Variants in HNRNPR observed in about 807,000 individuals in gnomAD.
The protein encoded by HNRNPR is heterogeneous nuclear ribonucleoprotein R.
HNRNPR carries 4 observed loss-of-function variants against 70.3 expected under a neutral mutation model. That is an observed-to-expected ratio of 0.06 (90% CI 0.03 to 0.13). The LOEUF (loss-of-function observed/expected upper bound fraction) is 0.13. HNRNPR is among the 10% of genes least tolerant of loss of function. The pLI, the probability that HNRNPR is intolerant of heterozygous loss-of-function variation, is 1.00. For missense variants in HNRNPR, 423 were observed against 788.5 expected, an observed-to-expected ratio of 0.54 and a Z score of 5.55; for synonymous variants, 241 against 267.6, an observed-to-expected ratio of 0.90 and a Z score of 0.97.
intron 7 of HNRNPR, among the ~76,000 whole-genome samples, chr1:23,319,053 T>C (rs1645655452): frequency 6.6e-6 from 1 of 152,182 alleles, no homozygotes; most frequent in African/African-American, 2.4e-5. Flanking sequence ...TTTTGACAAC[T>C]AATCATGGCC....
rs757720264 is a variant in HNRNPR at position 23,305,677 on chromosome 1, G to C, written c.*4777C>G. The C allele has an allele frequency of 6.6e-6, 1 of 152,008 alleles. No individual in the cohort carries two copies. Among genetic ancestry groups the C allele is most frequent in the African/African-American group, 2.4e-5 (1 of 41,428 alleles). The allele number at this position is 152,008 out of a possible 1,614,324, so 9.4% of individuals were successfully genotyped here. Reference sequence around the variant, plus strand: ...TGGAATCCCCTACAAACTATAAGATGAGGGATTTTAATCTTTAGCAATAAT... The same window carrying C: ...TGGAATCCCCTACAAACTATAAGATCAGGGATTTTAATCTTTAGCAATAAT... On this transcript the variant is annotated 3_prime_UTR_variant, in exon 11 of 11. Transcript: ENST00000302271.
At chr1:23,335,153 C>G (rs1011392547) in intron 4 of HNRNPR, among the ~76,000 whole-genome samples, 1 of 152,162 alleles carries the variant, frequency 6.6e-6, no homozygotes, top group South Asian at 2.1e-4. Context: ...CTCCTGACCT[C>G]GTGATCCACC....
chr1:23,310,998 C>T lies in HNRNPR; in HGVS notation c.1358G>A (p.Gly453Glu), dbSNP rs776523472. The T allele has an allele frequency of 1.2e-6, 2 of 1,614,196 alleles. No individual in the cohort carries two copies. The highest frequency in any genetic ancestry group is 1.7e-6 in the Non-Finnish European group (2 of 1,180,032). ...AGGGTAGCCATATCCACCTCTCCCCCCACCACGACCCCGACCTCTAATTGG... is the reference window on the plus strand; with the variant it reads ...AGGGTAGCCATATCCACCTCTCCCCTCACCACGACCCCGACCTCTAATTGG... ...PPPIRGRGRG[G>E]GRGGYGYPPD... The change falls in exon 11 of 11, where the codon GGG becomes GAG. Residue 453 changes from glycine to glutamate, a missense_variant. This residue lies in a region of HNRNPR where 169 missense variants were observed against 195.6 expected (regional missense o/e 0.86). Coordinates refer to ENST00000302271, the MANE Select transcript of HNRNPR (RefSeq NM_005826.5). The surrounding 1 kb of genome is among the most constrained non-coding windows in gnomAD (Gnocchi z 6.0).
intron 5 of HNRNPR, among the ~76,000 whole-genome samples, chr1:23,330,360 C>T (rs946918228): frequency 1.3e-5 from 2 of 152,058 alleles, no homozygotes; most frequent in African/African-American, 2.4e-5. Flanking sequence ...CATGGTGAAA[C>T]CCCGTCTCTC....
rs559589904 is a variant in HNRNPR, at chr1:23,305,336, C to A, written c.*5118G>T. ...AAAATGTTACCTTAACACAACCCTG[C>A]AATCACTACAATTCTTAAAAGTATT... On this transcript the variant is annotated 3_prime_UTR_variant, in exon 11 of 11. Coordinates refer to ENST00000302271, the MANE Select transcript of HNRNPR (RefSeq NM_005826.5). 6.6e-6 allele frequency: 1 copy of A among 152,284 alleles called. No homozygotes were observed. Among genetic ancestry groups the A allele is most frequent in the Non-Finnish European group, 1.5e-5 (1 of 67,996 alleles). 9.4% of individuals were successfully genotyped at this position (152,284 alleles called of 1,614,324 possible). A position where few individuals can be genotyped will look rare whatever the true frequency, so the allele number is the denominator to read the frequency against.
Position 23,331,834 on chromosome 1 carries a change from T to TAAAAAAAAAA in HNRNPR, c.498+1674_498+1683dup, listed in dbSNP as rs59006948. On this transcript the variant is annotated intron_variant, in intron 5 of 10. Transcript: ENST00000302271. ...CTGGGTGACAGTGAGACTGTTTCTTTAAAAAAAAAAAAAAAAAAAAAAAAA... is the reference window on the plus strand; with the variant it reads ...CTGGGTGACAGTGAGACTGTTTCTTTAAAAAAAAAAAAAAAAAAAAAAAAAAAAAAAAAAA... Among the ~76,000 whole-genome samples, 540 of 59,226 alleles carry TAAAAAAAAAA rather than the reference T, an allele frequency of 9.1e-3. 40 individuals carry two copies. Among genetic ancestry groups the TAAAAAAAAAA allele is most frequent in the Non-Finnish European group, 9.8e-3 (285 of 29,004 alleles). 38.9% of individuals were successfully genotyped at this position (59,226 alleles called of 152,430 possible).
chr1:23,338,338 C>A, intron 3 of HNRNPR, 152 bp downstream of exon 3: 1 of 438,194 alleles, frequency 2.3e-6, no homozygotes. Flanking sequence ...TTCTGAAACT[C>A]TGCCACAAGC....
At chr1:23,326,401 T>C (rs962638458) in intron 5 of HNRNPR, among the ~76,000 whole-genome samples, 4 of 152,132 alleles carry the variant, frequency 2.6e-5, no homozygotes, top group Non-Finnish European at 4.4e-5. Flanking sequence ...ACAGCATCTA[T>C]GTTCTCTTTA....
chr1:23,334,807 TTTATG>T (rs1221652400), intron 4 of HNRNPR, among the ~76,000 whole-genome samples: 7 of 152,208 alleles, frequency 4.6e-5, no homozygotes, highest in Non-Finnish European at 8.8e-5. Context: ...CTCTCAGGAA[TTTATG>T]TTATAATTGA....
chr1:23,323,797 T>A, intron 5 of HNRNPR, 65 bp from the exon 6 acceptor site: 1 of 1,355,258 alleles, frequency 7.4e-7, no homozygotes, highest in Non-Finnish European at 1.0e-6. Context: ...TAAAGCCTAC[T>A]GCCTTTTTTT....
intron 4 of HNRNPR, among the ~76,000 whole-genome samples, chr1:23,334,356 C>A (rs928748658): frequency 7.2e-5 from 11 of 151,864 alleles, no homozygotes; most frequent in African/African-American, 2.7e-4. Context: ...CCTGCCTCAG[C>A]CTCCCGAGCA....
chr1:23,306,224 G>A lies in HNRNPR; in HGVS notation c.*4230C>T, dbSNP rs1235661384. On this transcript the variant is annotated 3_prime_UTR_variant, in exon 11 of 11. Coordinates refer to ENST00000302271, the MANE Select transcript of HNRNPR (RefSeq NM_005826.5). ...TTCATACTTGCAGGCCTTTCCTGCT[G>A]ATCTGCTACCAATTTAAAAGTAAGT... The A allele has an allele frequency of 1.3e-5, 2 of 151,994 alleles. No individual in the cohort carries two copies. The highest frequency in any genetic ancestry group is 2.9e-5 in the Non-Finnish European group (2 of 67,996). 9.4% of individuals were successfully genotyped at this position (151,994 alleles called of 1,614,324 possible). A position where few individuals can be genotyped will look rare whatever the true frequency, so the allele number is the denominator to read the frequency against.
intron 2 of HNRNPR, among the ~76,000 whole-genome samples, chr1:23,340,132 C>G (rs75681693): frequency 0.01 from 1,525 of 151,860 alleles, 19 homozygotes; most frequent in Non-Finnish European, 0.014. Flanking sequence ...TAGGCACACA[C>G]AACACAGAGG....
chr1:23,311,194 G>C lies in HNRNPR; in HGVS notation c.1289+7C>G, dbSNP rs1049129725. ...CCAAAGATATATCTACTAAAATGTA[G>C]ACTCACGCAGTGCTTCTGGAGGCCT... is the stretch of plus-strand genomic sequence containing the variant. On this transcript the variant is annotated splice_region_variant and intron_variant, in intron 10 of 10. Coordinates refer to ENST00000302271, the MANE Select transcript of HNRNPR (RefSeq NM_005826.5). The C allele has an allele frequency of 6.2e-7, 1 of 1,613,350 alleles. No homozygotes were observed. Among genetic ancestry groups the C allele is most frequent in the Non-Finnish European group, 8.5e-7 (1 of 1,179,890 alleles).
At chr1:23,322,482 TGCCTCA>T (rs1645799288) in intron 6 of HNRNPR, among the ~76,000 whole-genome samples, 1 of 152,184 alleles carries the variant, frequency 6.6e-6, no homozygotes, top group Non-Finnish European at 1.5e-5. Context: ...GTGATCTGCC[TGCCTCA>T]GCCTCCCAAA....
At chr1:23,315,390 T>C (rs115398383) in intron 8 of HNRNPR, among the ~76,000 whole-genome samples, 3,587 of 151,862 alleles carry the variant, frequency 0.024, 144 homozygotes, top group African/African-American at 0.078. Flanking sequence ...TACTGTGCCA[T>C]AGTTTAGTTG....
chr1:23,343,417 G>A (rs1646778629), intron 1 of HNRNPR, among the ~76,000 whole-genome samples: 1 of 152,154 alleles, frequency 6.6e-6, no homozygotes, highest in South Asian at 2.1e-4. Context: ...TCAGCCACTT[G>A]AGGACTGCAA....
chr1:23,337,677 TC>T (rs1410328084), intron 4 of HNRNPR, 76 bp downstream of exon 4: 7 of 909,668 alleles, frequency 7.7e-6, no homozygotes, highest in Non-Finnish European at 1.2e-5. Flanking sequence ...AGTGAAACTT[TC>T]TAGGAAACAT....
rs1248558920 is a variant in HNRNPR, at chr1:23,305,980, C to G, written c.*4474G>C. On this transcript the variant is annotated 3_prime_UTR_variant, in exon 11 of 11. Transcript: ENST00000302271. ...AAAATAGTATCTTTGGTGTTTAAGCCCTCCATTCTATCAATGTCTTCTTGT... is the reference window on the plus strand; with the variant it reads ...AAAATAGTATCTTTGGTGTTTAAGCGCTCCATTCTATCAATGTCTTCTTGT... 6.6e-6 allele frequency: 1 copy of G among 151,948 alleles called. No homozygotes were observed. Among genetic ancestry groups the G allele is most frequent in the African/African-American group, 2.4e-5 (1 of 41,380 alleles). The allele number at this position is 151,948 out of a possible 1,614,324, so 9.4% of individuals were successfully genotyped here.
Sources: gnomAD v4.1 joint callset for allele counts (sites outside exome capture counted in the v4.1 genomes callset) on GRCh38, gnomAD v4.1.1 for gene constraint, gnomAD v4.1.1 regional missense constraint, Gnocchi (gnomAD v3.1) non-coding constraint, MANE v1.5 for transcripts, NCBI Gene and HGNC (gene_info 2026-07-23, HGNC 2026-07-21) for gene names.